DCLK2: variants seen among roughly 807,000 people sequenced by gnomAD.
The protein encoded by DCLK2 is doublecortin like kinase 2.
In DCLK2, 31 loss-of-function variants were observed where a neutral mutation model predicts 78.4. The ratio of observed to expected loss-of-function variants is 0.40; its 90% CI spans 0.30 to 0.53. DCLK2 has a LOEUF of 0.53. Among genes scored for constraint, DCLK2 ranks in the 20% least tolerant of loss-of-function variants. The probability of loss-of-function intolerance (pLI) is 0.61; values close to 1 mark genes in which losing one functional copy is unlikely to be tolerated. For synonymous variants in DCLK2, 407 were observed against 374.9 expected (o/e 1.09, Z -0.99); for missense variants, 872 against 973.7 (o/e 0.90, Z 1.39).
intron 6 of DCLK2, among the ~76,000 whole-genome samples, 161 bp from the exon 7 acceptor site, chr4:150,221,516 G>T (rs931266664): frequency 2.0e-5 from 3 of 152,116 alleles, no homozygotes; most frequent in Non-Finnish European, 4.4e-5. Context: ...AAGGAAATTG[G>T]TGATTCAGGT....
At chr4:150,182,964 C>G (rs1289589451) in intron 2 of DCLK2, among the ~76,000 whole-genome samples, 1 of 152,046 alleles carries the variant, frequency 6.6e-6, no homozygotes, top group Non-Finnish European at 1.5e-5. Flanking sequence ...TTTGTTCTCT[C>G]TCTCTCTCTT....
intron 2 of DCLK2, among the ~76,000 whole-genome samples, chr4:150,144,139 TC>T: frequency 6.6e-6 from 1 of 152,306 alleles, no homozygotes; most frequent in Admixed American, 6.5e-5. Flanking sequence ...AGAATTGACT[TC>T]AAGCTTAGTC....
intron 3 of DCLK2, among the ~76,000 whole-genome samples, chr4:150,196,750 C>T (rs535370723): frequency 5.3e-5 from 8 of 151,974 alleles, no homozygotes; most frequent in Non-Finnish European, 1.2e-4. Flanking sequence ...CTACACAACT[C>T]CAAAACCTAT....
rs546230072 is a variant in DCLK2, at chr4:150,242,665, C to G, written c.1778+2189C>G. Among the ~76,000 whole-genome samples the G allele has an allele frequency of 3.3e-5, 5 of 152,164 alleles. No homozygotes were observed. The South Asian group carries it at 1.0e-3, about 32-fold the overall frequency. On this transcript the variant is annotated intron_variant, in intron 12 of 15. Transcript: ENST00000296550. ...ATCATGCAGGGGCTGTCCTGGGCTTCCATGAGAGTGGATGCAAGATTCCCC... is the reference window on the plus strand; with the variant it reads ...ATCATGCAGGGGCTGTCCTGGGCTTGCATGAGAGTGGATGCAAGATTCCCC...
In DCLK2 at chr4:150,256,216, G is replaced by GTTTTTAAT; in HGVS notation, c.2270_2271insTTTTTAAT (p.Ala758PhefsTer2). Reference sequence around the variant, plus strand: ...CCTCCCGCTGCCCCGGGTGGTGAGCGGGCAGGAACCTGGCGCCGCCACCGA... The same window carrying GTTTTTAAT: ...CCTCCCGCTGCCCCGGGTGGTGAGCGTTTTTAATGGCAGGAACCTGGCGCCGCCACCGA... On this transcript the variant is annotated stop_gained and frameshift_variant, in exon 16 of 16. Coordinates refer to ENST00000296550, the MANE Select transcript of DCLK2 (RefSeq NM_001040260.4). LOFTEE classifies it high-confidence loss of function. 1 of 1,528,496 alleles carries GTTTTTAAT rather than the reference G, an allele frequency of 6.5e-7. No individual in the cohort carries two copies. The highest frequency in any genetic ancestry group is 8.8e-7 in the Non-Finnish European group (1 of 1,139,210). 94.7% of individuals were successfully genotyped at this position (1,528,496 alleles called of 1,614,324 possible).
rs1426920029 is a variant in DCLK2, at chr4:150,195,322, T to TATTATATATATTATATAA, written c.859+2082_859+2083insATTATATATATTATATAA. On this transcript the variant is annotated intron_variant, in intron 3 of 15. Transcript: ENST00000296550. ...ATTATATATTATATTATATATTATA[T>TATTATATATATTATATAA]TATATATTATATATATTATATAATA... Among the ~76,000 whole-genome samples the TATTATATATATTATATAA allele has an allele frequency of 1.7e-4, 2 of 11,946 alleles. 1 individual carries two copies. Among genetic ancestry groups the TATTATATATATTATATAA allele is most frequent in the Non-Finnish European group, 3.3e-4 (2 of 6,006 alleles). 7.8% of individuals were successfully genotyped at this position (11,946 alleles called of 152,430 possible). A position where few individuals can be genotyped will look rare whatever the true frequency, so the allele number is the denominator to read the frequency against.
chr4:150,196,679 A>AC lies in DCLK2; in HGVS notation c.860-1322dup, dbSNP rs397725801. Among the ~76,000 whole-genome samples the AC allele has an allele frequency of 5.9e-5, 9 of 151,832 alleles. No individual in the cohort carries two copies. The South Asian group carries it at 1.7e-3, about 28-fold the overall frequency. The stretch of plus-strand genomic sequence containing the variant: ...AATTTCACTGGGGCAAAAAAAAAAA[A>AC]CTCAGGCTTACAGCCAAGGCCCCTA... On this transcript the variant is annotated intron_variant, in intron 3 of 15. Transcript: ENST00000296550.
chr4:150,179,024 A>T (rs998799525), intron 2 of DCLK2, among the ~76,000 whole-genome samples: 2 of 151,944 alleles, frequency 1.3e-5, no homozygotes, highest in Admixed American at 1.3e-4. Context: ...AATAGTCAAG[A>T]TTTCTTTTCT....
intron 5 of DCLK2, among the ~76,000 whole-genome samples, chr4:150,204,980 C>T (rs1436034993): frequency 5.9e-5 from 9 of 152,068 alleles, no homozygotes; most frequent in African/African-American, 1.9e-4. Context: ...TACACAGTGT[C>T]ATGTATGTGT....
chr4:150,099,053 G>A (rs1024047988), intron 1 of DCLK2, among the ~76,000 whole-genome samples: 5 of 151,966 alleles, frequency 3.3e-5, no homozygotes, highest in Non-Finnish European at 7.4e-5. Context: ...GATGCAGGAT[G>A]TACTTTTTCA....
At chr4:150,139,112 G>A (rs1469520949) in intron 2 of DCLK2, among the ~76,000 whole-genome samples, 1 of 152,138 alleles carries the variant, frequency 6.6e-6, no homozygotes, top group African/African-American at 2.4e-5. Context: ...TGATCCTCCT[G>A]CCTCAGCCTC....
chr4:150,170,833 A>G (rs549974182), intron 2 of DCLK2, among the ~76,000 whole-genome samples: 1 of 152,338 alleles, frequency 6.6e-6, no homozygotes, highest in African/African-American at 2.4e-5. Context: ...CCATAAGTTT[A>G]GAGGCAATCC....
chr4:150,244,877 A>C (rs1177939386), intron 12 of DCLK2, among the ~76,000 whole-genome samples: 1 of 152,206 alleles, frequency 6.6e-6, no homozygotes, highest in Non-Finnish European at 1.5e-5. Context: ...GCTATAAATG[A>C]CTGCTGTGCA....
chr4:150,232,593 T>A, intron 9 of DCLK2, 89 bp from the exon 10 acceptor site: 1 of 1,530,300 alleles, frequency 6.5e-7, no homozygotes, highest in Non-Finnish European at 9.0e-7. Context: ...ACTTGTGTCA[T>A]TCTCTGCTTT....
At chr4:150,224,221 T>C (rs777814804) in intron 7 of DCLK2, among the ~76,000 whole-genome samples, 32 of 152,208 alleles carry the variant, frequency 2.1e-4, no homozygotes, top group Non-Finnish European at 3.4e-4. Context: ...ATATTTTCTT[T>C]AATGCACAGA....
At chr4:150,225,441 G>A (rs959581366) in intron 8 of DCLK2, among the ~76,000 whole-genome samples, 45 of 152,270 alleles carry the variant, frequency 3.0e-4, no homozygotes, top group African/African-American at 9.1e-4. Flanking sequence ...TAAATATTCC[G>A]TTGCAGCAAT....
At chr4:150,249,491 G>GGGGGACTC in intron 14 of DCLK2, 77 bp from the exon 15 acceptor site, 1 of 1,233,400 alleles carries the variant, frequency 8.1e-7, no homozygotes. Flanking sequence ...GAGGCGGGGA[G>GGGGGACTC]GGGGACTCTT....
At chr4:150,183,717 T>C (rs1737698199) in intron 2 of DCLK2, among the ~76,000 whole-genome samples, 1 of 151,818 alleles carries the variant, frequency 6.6e-6, no homozygotes, top group Admixed American at 6.6e-5. Flanking sequence ...GCATTTCTTT[T>C]GATTTCTTTT....
chr4:150,222,535 C>G (rs1741261286), intron 7 of DCLK2, among the ~76,000 whole-genome samples: 1 of 152,052 alleles, frequency 6.6e-6, no homozygotes, highest in South Asian at 2.1e-4. Context: ...CATATGAGCT[C>G]TGACTCTGTT....
Sources: gnomAD v4.1 joint callset for allele counts (sites outside exome capture counted in the v4.1 genomes callset) on GRCh38, gnomAD v4.1.1 for gene constraint, MANE v1.5 for transcripts, NCBI Gene and HGNC (gene_info 2026-07-23, HGNC 2026-07-21) for gene names.